Variants in MAP3K2 observed in about 807,000 individuals in gnomAD.
The protein encoded by MAP3K2 is mitogen-activated protein kinase kinase kinase 2.
MAP3K2 carries 24 observed loss-of-function variants against 80.3 expected under a neutral mutation model. The observed-to-expected ratio is 0.30, with a 90% CI of 0.22 to 0.42. The LOEUF is 0.42. Ranked by LOEUF, MAP3K2 falls within the 10% of genes least tolerant of loss-of-function variation. The pLI is 1.00. For synonymous variants in MAP3K2, 244 were observed against 253.7 expected, an observed-to-expected ratio of 0.96 and a Z score of 0.36; for missense variants, 608 against 750.1, an observed-to-expected ratio of 0.81 and a Z score of 2.21.
At chr2:127,362,057 G>T (rs1574002166) in intron 1 of MAP3K2, among the ~76,000 whole-genome samples, 1 of 152,142 alleles carries the variant, frequency 6.6e-6, no homozygotes, top group East Asian at 1.9e-4. Flanking sequence ...CCTTTTTAAG[G>T]TATTACTCAG....
rs745597256 is a variant in MAP3K2, at chr2:127,372,094, G to A, written c.-66+15358C>T. 4.6e-5 allele frequency among the ~76,000 whole-genome samples: 7 copies of A among 152,184 alleles called. No homozygotes were observed. The East Asian group carries it at 5.8e-4, about 13-fold the overall frequency. ...AGAAGACACTAAAAGGGTTGCAACCGGGATCTGGGGCCCACTGCCTCTGGG... is the reference window on the plus strand; with the variant it reads ...AGAAGACACTAAAAGGGTTGCAACCAGGATCTGGGGCCCACTGCCTCTGGG... On this transcript the variant is annotated intron_variant, in intron 1 of 16. Coordinates refer to ENST00000682094, the MANE Select transcript of MAP3K2 (RefSeq NM_001371910.2).
At chr2:127,335,468 T>C (rs530533385) in intron 5 of MAP3K2, among the ~76,000 whole-genome samples, 2 of 152,324 alleles carry the variant, frequency 1.3e-5, no homozygotes, top group South Asian at 2.1e-4. Flanking sequence ...AATAAGCTAA[T>C]TGAGCCCTAA....
At chr2:127,311,323 A>G (rs1685803620) in intron 15 of MAP3K2, among the ~76,000 whole-genome samples, 1 of 152,210 alleles carries the variant, frequency 6.6e-6, no homozygotes, top group African/African-American at 2.4e-5. Flanking sequence ...GAAGGACAAC[A>G]AAGCCCATTT....
chr2:127,328,469 T>A (rs1266366944), intron 7 of MAP3K2, among the ~76,000 whole-genome samples: 2 of 152,210 alleles, frequency 1.3e-5, no homozygotes, highest in African/African-American at 4.8e-5. Context: ...AATTTAATGC[T>A]ACAACAATCC....
chr2:127,333,560 T>G (rs1686305079), intron 5 of MAP3K2, among the ~76,000 whole-genome samples: 1 of 152,138 alleles, frequency 6.6e-6, no homozygotes, highest in Non-Finnish European at 1.5e-5. Context: ...GTGTCCAAGA[T>G]CATGCATTTG....
rs2104806202 is a variant in MAP3K2, at chr2:127,310,644, C to G, written c.1457-1882G>C. Among the ~76,000 whole-genome samples the G allele has an allele frequency of 6.6e-6, 1 of 152,218 alleles. No homozygotes were observed. The highest frequency in any genetic ancestry group is 2.1e-4 in the South Asian group (1 of 4,818). ...CCCGCCTGGGTGATAAAGTGAGACC[C>G]TGTCTCAAAAAAACAAAAACAAAAA... is the stretch of plus-strand genomic sequence containing the variant. On this transcript the variant is annotated intron_variant, in intron 15 of 16. Transcript: ENST00000682094. The surrounding 1 kb of genome is among the most constrained non-coding windows in gnomAD (Gnocchi z 4.8).
At chr2:127,386,663 T>G (rs1041634526) in intron 1 of MAP3K2, among the ~76,000 whole-genome samples, 1 of 146,684 alleles carries the variant, frequency 6.8e-6, no homozygotes, top group African/African-American at 2.4e-5. Context: ...TCTGAAGCCA[T>G]CTTTTAAATT....
At chr2:127,384,708 G>C (rs1327056626) in intron 1 of MAP3K2, among the ~76,000 whole-genome samples, 1 of 151,684 alleles carries the variant, frequency 6.6e-6, no homozygotes, top group Non-Finnish European at 1.5e-5. Context: ...CTGTTGCCCA[G>C]GCTGGTCTGC....
At chr2:127,311,979 C>A (rs1685815966) in intron 15 of MAP3K2, among the ~76,000 whole-genome samples, 5 of 152,142 alleles carry the variant, frequency 3.3e-5, no homozygotes, top group Admixed American at 2.6e-4. Context: ...CCCAAAGAAT[C>A]ATTTTAACAT....
At chr2:127,341,505 T>A (rs1333211487) in intron 2 of MAP3K2, among the ~76,000 whole-genome samples, 1 of 146,586 alleles carries the variant, frequency 6.8e-6, no homozygotes, top group Non-Finnish European at 1.5e-5. Context: ...TACTTATGGG[T>A]AAGTACAATG....
chr2:127,314,987 C>T (rs1047859197), intron 14 of MAP3K2, 104 bp from the exon 15 acceptor site: 131 of 765,752 alleles, frequency 1.7e-4, no homozygotes, highest in Admixed American at 1.2e-4. Flanking sequence ...TCATCTCACT[C>T]GTCTAAGCAT....
In MAP3K2 at chr2:127,364,396, C is replaced by CT. The variant is rs1686937537; in HGVS notation, c.-65-21203dup. Among the ~76,000 whole-genome samples the CT allele has an allele frequency of 6.6e-6, 1 of 152,180 alleles. No homozygotes were observed. The highest frequency in any genetic ancestry group is 1.5e-5 in the Non-Finnish European group (1 of 68,038). ...GTCTCTGTGCTGTCTGAAATGCTTC[C>CT]TTTTTTCTACTTGTCCAAACCATCT... On this transcript the variant is annotated intron_variant, in intron 1 of 16. Coordinates refer to ENST00000682094, the MANE Select transcript of MAP3K2 (RefSeq NM_001371910.2). This position sits in a 1 kb window ranked among gnomAD's most constrained non-coding sequence, Gnocchi z 4.1.
chr2:127,316,369 C>T (rs1313643757), intron 14 of MAP3K2, among the ~76,000 whole-genome samples: 1 of 152,142 alleles, frequency 6.6e-6, no homozygotes. Flanking sequence ...GAAACTCCAT[C>T]TCAAAATTAA....
intron 1 of MAP3K2, among the ~76,000 whole-genome samples, chr2:127,376,728 T>C (rs971678699): frequency 6.6e-6 from 1 of 152,068 alleles, no homozygotes; most frequent in African/African-American, 2.4e-5. Flanking sequence ...ATATTGGGGT[T>C]TTTGTTCACA....
rs978181472 is a variant in MAP3K2 at position 127,339,521 on chromosome 2, G to C, written c.5-471C>G. ...TCAATACTTAAGAGTCAGAAACAAA[G>C]AAAAGCTTCACCTGTGGATACTGGC... On this transcript the variant is annotated intron_variant, in intron 2 of 16. Coordinates refer to ENST00000682094, the MANE Select transcript of MAP3K2 (RefSeq NM_001371910.2). This position sits in a 1 kb window ranked among gnomAD's most constrained non-coding sequence, Gnocchi z 4.2. Among the ~76,000 whole-genome samples the C allele has an allele frequency of 7.9e-5, 12 of 152,098 alleles. No homozygotes were observed. Among genetic ancestry groups the C allele is most frequent in the African/African-American group, 4.8e-5 (2 of 41,414 alleles).
At chr2:127,352,751 C>T (rs567733154) in intron 1 of MAP3K2, among the ~76,000 whole-genome samples, 2 of 152,026 alleles carry the variant, frequency 1.3e-5, no homozygotes, top group South Asian at 2.1e-4. Context: ...GATGCCGAGC[C>T]GAAGCTGGAC....
intron 6 of MAP3K2, 120 bp from the exon 7 acceptor site, chr2:127,330,128 C>T (rs140886311): frequency 4.7e-6 from 3 of 639,748 alleles, no homozygotes; most frequent in East Asian, 5.3e-5. Context: ...AAATCCTCTA[C>T]TCTTTGAAAT....
At chr2:127,353,573 G>C (rs936717450) in intron 1 of MAP3K2, among the ~76,000 whole-genome samples, 3 of 151,312 alleles carry the variant, frequency 2.0e-5, no homozygotes, top group Non-Finnish European at 2.9e-5. Context: ...GAGGTGGGGG[G>C]GGTCAGCCCC....
chr2:127,363,876 T>A (rs1214669989), intron 1 of MAP3K2, among the ~76,000 whole-genome samples: 4 of 152,066 alleles, frequency 2.6e-5, no homozygotes, highest in Non-Finnish European at 5.9e-5. Flanking sequence ...AGGCTGGTCT[T>A]GAACCCCTGG....
Sources: allele counts gnomAD v4.1 joint callset (sites outside exome capture counted in the v4.1 genomes callset), GRCh38; gene constraint gnomAD v4.1.1; non-coding constraint Gnocchi (gnomAD v3.1); transcripts MANE v1.5; gene names NCBI Gene and HGNC (gene_info 2026-07-23, HGNC 2026-07-21).